Variants in ADAMTSL1 observed in about 807,000 individuals in gnomAD.
ADAMTSL1 encodes ADAMTS like 1.
Under a neutral mutation model 201.8 loss-of-function variants are expected in ADAMTSL1, and 126 were observed. The ratio of observed to expected loss-of-function variants is 0.62; its 90% CI spans 0.54 to 0.72. The LOEUF (loss-of-function observed/expected upper bound fraction) is 0.72, where lower values mean the gene tolerates loss of function less well. Ranked by LOEUF, ADAMTSL1 falls within the 30% of genes least tolerant of loss-of-function variation. The pLI, the probability that ADAMTSL1 is intolerant of heterozygous loss-of-function variation, is 0.00. For missense variants in ADAMTSL1, 2,679 were observed against 2,277.8 expected (o/e 1.18, Z -3.59); for synonymous variants, 1,121 against 903.4 (o/e 1.24, Z -4.32).
At chr9:18,718,808 A>G (rs1439422937) in intron 14 of ADAMTSL1, among the ~76,000 whole-genome samples, 2 of 152,246 alleles carry the variant, frequency 1.3e-5, no homozygotes, top group African/African-American at 4.8e-5. Flanking sequence ...AGCATGTGAC[A>G]AGCCCACGGT....
rs368300304 is a variant in ADAMTSL1 at position 17,936,869 on chromosome 9, T to G, written c.87+29947T>G. Among the ~76,000 whole-genome samples the G allele has an allele frequency of 2.6e-5, 4 of 152,132 alleles. No homozygotes were observed. The East Asian group carries it at 7.7e-4, about 29-fold the overall frequency. On this transcript the variant is annotated intron_variant, in intron 1 of 29. Coordinates refer to the ADAMTSL1 transcript ENST00000680146. ...CTGCCAGTGGTACAGGCAGTGAGTT[T>G]TATAATTATTTTTTGATATTTTCCA...
intron 1 of ADAMTSL1, among the ~76,000 whole-genome samples, chr9:18,119,699 G>T (rs1335887328): frequency 6.6e-6 from 1 of 152,110 alleles, no homozygotes; most frequent in Non-Finnish European, 1.5e-5. Flanking sequence ...AGTCCAGGGT[G>T]GGCTGCTGAA....
At chr9:18,744,329 G>A (rs1321519187) in intron 15 of ADAMTSL1, among the ~76,000 whole-genome samples, 1 of 152,200 alleles carries the variant, frequency 6.6e-6, no homozygotes, top group Non-Finnish European at 1.5e-5. Flanking sequence ...TGGTAAGCAT[G>A]GTTTCCACTT....
chr9:18,777,633 A>G lies in ADAMTSL1; in HGVS notation c.3404A>G (p.His1135Arg). 6.2e-7 allele frequency: 1 copy of G among 1,613,756 alleles called. No individual in the cohort carries two copies. The highest frequency in any genetic ancestry group is 8.5e-7 in the Non-Finnish European group (1 of 1,179,860). Reference sequence around the variant, plus strand: ...ACTTCCCCAGTGACTCTCTCGCCTCATAAACACGTGTCTGGCTTCAGCAGC... The same window carrying G: ...ACTTCCCCAGTGACTCTCTCGCCTCGTAAACACGTGTCTGGCTTCAGCAGC... Reference protein sequence around the residue: ...RRTSPVTLSPHKHVSGFSSSL... With the variant: ...RRTSPVTLSPRKHVSGFSSSL... Residue 1135 changes from histidine (H) to arginine (R), a missense_variant, in exon 19 of 29, where the codon CAT (histidine) becomes CGT (arginine). Transcript: ENST00000380548.
intron 2 of ADAMTSL1, among the ~76,000 whole-genome samples, chr9:18,200,111 A>T (rs922431583): frequency 6.6e-6 from 1 of 152,040 alleles, no homozygotes; most frequent in African/African-American, 2.4e-5. Context: ...AAACTTCAGG[A>T]CTATGTAATA....
chr9:18,026,802 C>T (rs1820717360), intron 1 of ADAMTSL1, among the ~76,000 whole-genome samples: 2 of 152,016 alleles, frequency 1.3e-5, no homozygotes, highest in Admixed American at 6.6e-5. Flanking sequence ...CTTTGAACAT[C>T]TGGTAGAATT....
At chr9:18,525,735 T>A (rs1818996938) in intron 2 of ADAMTSL1, among the ~76,000 whole-genome samples, 1 of 152,224 alleles carries the variant, frequency 6.6e-6, no homozygotes, top group East Asian at 1.9e-4. Flanking sequence ...TTGTTCAGTT[T>A]CCATGTAGGT....
chr9:18,341,003 C>T (rs1317369163), intron 2 of ADAMTSL1, among the ~76,000 whole-genome samples: 1 of 152,130 alleles, frequency 6.6e-6, no homozygotes, highest in Non-Finnish European at 1.5e-5. Flanking sequence ...GACCAGACCC[C>T]CACCAACTCT....
chr9:18,026,063 A>G lies in ADAMTSL1; in HGVS notation c.87+119141A>G, dbSNP rs533850661. 3.5e-4 allele frequency among the ~76,000 whole-genome samples: 53 copies of G among 151,992 alleles called. No homozygotes were observed. In the South Asian group the frequency reaches 0.01, roughly 30 times the overall value. On this transcript the variant is annotated intron_variant, in intron 1 of 29. Coordinates refer to the ADAMTSL1 transcript ENST00000680146. ...CTTTCAGCTTGAATGTCACTGGTGTATCCTGAAACTTTACTGAAGTCATTA... is the reference window on the plus strand; with the variant it reads ...CTTTCAGCTTGAATGTCACTGGTGTGTCCTGAAACTTTACTGAAGTCATTA...
chr9:18,856,283 A>G (rs1026005213), intron 23 of ADAMTSL1, among the ~76,000 whole-genome samples: 1 of 152,212 alleles, frequency 6.6e-6, no homozygotes, highest in African/African-American at 2.4e-5. Context: ...GGATCTAAAC[A>G]TCTTTTATAC....
Position 17,942,836 on chromosome 9 carries a change from T to C in ADAMTSL1, c.87+35914T>C, listed in dbSNP as rs1057360250. ...AAATATAGGATTTCTTTTTACCAACTGGTATGGGAATATTTCAGTATTTTA... is the reference window on the plus strand; with the variant it reads ...AAATATAGGATTTCTTTTTACCAACCGGTATGGGAATATTTCAGTATTTTA... On this transcript the variant is annotated intron_variant, in intron 1 of 29. Transcript: ENST00000680146. 3.3e-5 allele frequency among the ~76,000 whole-genome samples: 5 copies of C among 152,288 alleles called. No homozygotes were observed. In the East Asian group the frequency reaches 9.7e-4, roughly 29 times the overall value.
intron 2 of ADAMTSL1, among the ~76,000 whole-genome samples, chr9:18,171,366 T>G (rs1827881161): frequency 6.6e-6 from 1 of 152,030 alleles, no homozygotes; most frequent in African/African-American, 2.4e-5. Flanking sequence ...GTATAAGAAT[T>G]TACTTAACTA....
At chr9:18,029,343 T>A (rs1317569005) in intron 1 of ADAMTSL1, among the ~76,000 whole-genome samples, 1 of 152,162 alleles carries the variant, frequency 6.6e-6, no homozygotes, top group East Asian at 1.9e-4. Context: ...TGGCTAGCCA[T>A]ATGGAGAAAG....
chr9:18,599,996 CAAAAAAAA>C (rs57914274), intron 4 of ADAMTSL1, among the ~76,000 whole-genome samples: 10,538 of 87,344 alleles, frequency 0.12, 309 homozygotes, highest in African/African-American at 0.17. Flanking sequence ...ACTAAAAATA[CAAAAAAAA>C]AAAAAAAAAA....
chr9:18,666,277 T>G (rs1224619546), intron 9 of ADAMTSL1, among the ~76,000 whole-genome samples: 2 of 152,160 alleles, frequency 1.3e-5, no homozygotes, highest in Admixed American at 1.3e-4. Context: ...AGTGGTAAAC[T>G]AGGAGCCAAA....
At chr9:18,533,398 G>A in intron 3 of ADAMTSL1, 106 bp downstream of exon 3, 1 of 890,862 alleles carries the variant, frequency 1.1e-6, no homozygotes, top group Non-Finnish European at 1.7e-6. Context: ...GTATTTCACT[G>A]AGAGTTTTTA....
intron 1 of ADAMTSL1, among the ~76,000 whole-genome samples, chr9:18,138,962 G>T (rs988183781): frequency 1.3e-5 from 2 of 152,172 alleles, no homozygotes; most frequent in African/African-American, 4.8e-5. Flanking sequence ...GAGGAAGACT[G>T]ATAATCTGGA....
chr9:18,063,665 T>A (rs956373790), intron 1 of ADAMTSL1, among the ~76,000 whole-genome samples: 6 of 152,226 alleles, frequency 3.9e-5, no homozygotes, highest in Non-Finnish European at 7.3e-5. Flanking sequence ...TGATGCTTAC[T>A]GTATACCACG....
intron 20 of ADAMTSL1, among the ~76,000 whole-genome samples, chr9:18,807,880 T>G (rs770865271): frequency 6.6e-6 from 1 of 152,180 alleles, no homozygotes; most frequent in Non-Finnish European, 1.5e-5. Context: ...TTAGTTAACT[T>G]CTATGGTTAA....
Sources: allele counts gnomAD v4.1 joint callset (sites outside exome capture counted in the v4.1 genomes callset), GRCh38; gene constraint gnomAD v4.1.1; transcripts MANE v1.5; gene names NCBI Gene and HGNC (gene_info 2026-07-23, HGNC 2026-07-21).